The following SORCS2 variants were observed in gnomAD, a reference collection of about 807,000 sequenced individuals.
SORCS2 encodes the protein sortilin related VPS10 domain containing receptor 2.
A neutral mutation model predicts 141.6 loss-of-function variants in SORCS2; 100 were observed. That is an observed-to-expected ratio of 0.71 (90% CI 0.60 to 0.83). The LOEUF is 0.83. SORCS2 is among the 40% of genes least tolerant of loss of function. The pLI is 0.00. For synonymous variants in SORCS2, 789 were observed against 676.9 expected (o/e 1.17, Z -2.57); for missense variants, 1,646 against 1,560.2 (o/e 1.05, Z -0.93).
At chr4:7,330,802 C>CCA (rs948438371) in intron 1 of SORCS2, among the ~76,000 whole-genome samples, 5 of 151,980 alleles carry the variant, frequency 3.3e-5, no homozygotes, top group Non-Finnish European at 7.4e-5. Context: ...TCTCAGTGAA[C>CCA]GCTTGGCAAG....
At chr4:7,514,397 A>G (rs1404512146) in intron 2 of SORCS2, among the ~76,000 whole-genome samples, 1 of 151,858 alleles carries the variant, frequency 6.6e-6, no homozygotes, top group African/African-American at 2.4e-5. Flanking sequence ...AGACACCAGC[A>G]CTCCTGCCCC....
At chr4:7,462,573 A>G (rs903909680) in intron 2 of SORCS2, among the ~76,000 whole-genome samples, 15 of 151,946 alleles carry the variant, frequency 9.9e-5, no homozygotes, top group Admixed American at 4.6e-4. Context: ...GAGGCGACTC[A>G]CAGTCCAAGC....
intron 1 of SORCS2, among the ~76,000 whole-genome samples, chr4:7,207,596 T>G (rs754026291): frequency 1.3e-3 from 200 of 152,202 alleles, no homozygotes; most frequent in Non-Finnish European, 2.5e-3. Context: ...CACATATAAG[T>G]AAAGGTACAG....
chr4:7,224,793 T>TCCTTCC (rs1223387967), intron 1 of SORCS2, among the ~76,000 whole-genome samples: 1 of 152,186 alleles, frequency 6.6e-6, no homozygotes, highest in Non-Finnish European at 1.5e-5. Context: ...CTCCCTCCGA[T>TCCTTCC]CCTTCCCCTT....
rs533857988 is a variant in SORCS2 at position 7,716,628 on chromosome 4, TCCATCCATCTAC to T, written c.2252+1329_2252+1340del. 2.4e-3 allele frequency among the ~76,000 whole-genome samples: 372 copies of T among 152,080 alleles called. 2 individuals carry two copies. The highest frequency in any genetic ancestry group is 0.017 in the Admixed American group (265 of 15,270). ...CACTATCCACCCACCCATCTGTCCA[TCCATCCATCTAC>T]CCATCCATCTATCCATCCACCATCT... is the stretch of plus-strand genomic sequence containing the variant. On this transcript the variant is annotated intron_variant, in intron 17 of 26. Transcript: ENST00000507866.
intron 1 of SORCS2, among the ~76,000 whole-genome samples, chr4:7,294,659 C>G (rs1177990389): frequency 8.6e-5 from 11 of 127,954 alleles, no homozygotes; most frequent in African/African-American, 3.1e-4. Flanking sequence ...CCCTCTCCCT[C>G]TTCCTCTCCC....
At position 7,193,540 on chromosome 4, in the gene SORCS2, C is replaced by G. The variant is rs1246748980; in HGVS notation, c.480+414C>G. 6.6e-6 allele frequency among the ~76,000 whole-genome samples: 1 copy of G among 152,156 alleles called. No individual in the cohort carries two copies. Among genetic ancestry groups the G allele is most frequent in the Non-Finnish European group, 1.5e-5 (1 of 68,028 alleles). On this transcript the variant is annotated intron_variant, in intron 1 of 26. Coordinates refer to ENST00000507866, the MANE Select transcript of SORCS2 (RefSeq NM_020777.3). This position sits in a 1 kb window ranked among gnomAD's most constrained non-coding sequence, Gnocchi z 4.8. ...CGTCGCGTTCTGGGATTTTGGGCTCCGGGATCCTTCCCTCCCTGGTCTACC... is the reference window on the plus strand; with the variant it reads ...CGTCGCGTTCTGGGATTTTGGGCTCGGGGATCCTTCCCTCCCTGGTCTACC...
intron 1 of SORCS2, among the ~76,000 whole-genome samples, chr4:7,285,374 A>G (rs1360530755): frequency 6.6e-6 from 1 of 152,182 alleles, no homozygotes; most frequent in Admixed American, 6.5e-5. Context: ...AGCTTCAAAG[A>G]TGCTGCTTCT....
At chr4:7,553,736 C>A (rs895189136) in intron 3 of SORCS2, among the ~76,000 whole-genome samples, 14 of 152,206 alleles carry the variant, frequency 9.2e-5, no homozygotes, top group Admixed American at 8.5e-4. Flanking sequence ...ATATCAAAAA[C>A]ATGTTTCTGG....
chr4:7,252,683 G>T (rs1490256450), intron 1 of SORCS2, among the ~76,000 whole-genome samples: 1 of 152,108 alleles, frequency 6.6e-6, no homozygotes, highest in Admixed American at 6.5e-5. Flanking sequence ...GAGAGGGGCT[G>T]GGGGTGCGGG....
At chr4:7,305,046 T>C (rs3857195) in intron 1 of SORCS2, among the ~76,000 whole-genome samples, 37,269 of 150,986 alleles carry the variant, frequency 0.25, 5,440 homozygotes, top group Admixed American at 0.38. Context: ...TTTTTTTTTT[T>C]TTTTGAGACA....
chr4:7,484,233 A>C (rs886440202), intron 2 of SORCS2, among the ~76,000 whole-genome samples: 1 of 152,232 alleles, frequency 6.6e-6, no homozygotes, highest in African/African-American at 2.4e-5. Context: ...CTGAGTCTGA[A>C]CGTATTTTCC....
intron 1 of SORCS2, among the ~76,000 whole-genome samples, chr4:7,293,769 G>T (rs1172816979): frequency 1.2e-4 from 18 of 152,196 alleles, no homozygotes; most frequent in Admixed American, 1.0e-3. Flanking sequence ...CAGCTGCCTG[G>T]GGGAGCCTAG....
At chr4:7,629,438 C>A (rs1719733215) in intron 3 of SORCS2, among the ~76,000 whole-genome samples, 1 of 151,968 alleles carries the variant, frequency 6.6e-6, no homozygotes, top group African/African-American at 2.4e-5. Context: ...TGTGGCAGGG[C>A]AGGCCCAGCT....
At chr4:7,258,372 C>T (rs1345201364) in intron 1 of SORCS2, among the ~76,000 whole-genome samples, 3 of 152,124 alleles carry the variant, frequency 2.0e-5, no homozygotes, top group African/African-American at 7.2e-5. Flanking sequence ...GTTCAGCTCC[C>T]ATTTATGAGT....
At chr4:7,724,477 G>GTGA (rs1455791293) in intron 19 of SORCS2, among the ~76,000 whole-genome samples, 2 of 59,460 alleles carry the variant, frequency 3.4e-5, no homozygotes, top group South Asian at 8.3e-4. Flanking sequence ...GATGGTGATG[G>GTGA]TGGTGATGGT....
intron 1 of SORCS2, among the ~76,000 whole-genome samples, chr4:7,269,402 C>T (rs772395939): frequency 6.6e-6 from 1 of 152,200 alleles, no homozygotes; most frequent in Non-Finnish European, 1.5e-5. Context: ...AAAGAGATGT[C>T]CGTATCCTAA....
chr4:7,314,800 G>GTTTTTTTTT (rs397880294), intron 1 of SORCS2, among the ~76,000 whole-genome samples: 7 of 109,840 alleles, frequency 6.4e-5, no homozygotes, highest in African/African-American at 2.0e-4. Flanking sequence ...CCACTGTTCT[G>GTTTTTTTTT]TTTTTTTTTT....
chr4:7,214,186 A>G (rs1485760717), intron 1 of SORCS2, among the ~76,000 whole-genome samples: 2 of 152,084 alleles, frequency 1.3e-5, no homozygotes, highest in African/African-American at 4.8e-5. Context: ...AAACCCTCCT[A>G]AACTCAATGC....
Sources: allele counts gnomAD v4.1 joint callset (sites outside exome capture counted in the v4.1 genomes callset), GRCh38; gene constraint gnomAD v4.1.1; non-coding constraint Gnocchi (gnomAD v3.1); transcripts MANE v1.5; gene names NCBI Gene and HGNC (gene_info 2026-07-23, HGNC 2026-07-21).